Variants in CACNA1E observed in about 807,000 individuals in gnomAD.
The protein encoded by CACNA1E is voltage-dependent R-type calcium channel subunit alpha-1E.
In CACNA1E, 40 loss-of-function variants were observed where a neutral mutation model predicts 259.2. The observed-to-expected ratio is 0.15, with a 90% CI of 0.12 to 0.20. The LOEUF (loss-of-function observed/expected upper bound fraction) is 0.20, where lower values mean the gene tolerates loss of function less well. CACNA1E is among the 10% of genes least tolerant of loss of function. The pLI is 1.00. For missense variants in CACNA1E, 1,874 were observed against 3,040.1 expected, an observed-to-expected ratio of 0.62 and a Z score of 9.02; for synonymous variants, 1,104 against 1,138.5, an observed-to-expected ratio of 0.97 and a Z score of 0.61.
At chr1:181,621,916 G>A (rs1336477311) in intron 6 of CACNA1E, among the ~76,000 whole-genome samples, 1 of 152,180 alleles carries the variant, frequency 6.6e-6, no homozygotes, top group Non-Finnish European at 1.5e-5. Context: ...GCTGTGGCGA[G>A]GGTCATACCT....
At chr1:181,672,341 A>C (rs777141034) in intron 7 of CACNA1E, among the ~76,000 whole-genome samples, 6 of 152,208 alleles carry the variant, frequency 3.9e-5, no homozygotes, top group Non-Finnish European at 5.9e-5. Flanking sequence ...CTGTGACATG[A>C]GTTAACCTGT....
intron 1 of CACNA1E, among the ~76,000 whole-genome samples, chr1:181,499,294 T>A (rs547168822): frequency 6.6e-6 from 1 of 152,322 alleles, no homozygotes; most frequent in African/African-American, 2.4e-5. Flanking sequence ...TGAGTACTCC[T>A]GGGAAGGAGG....
chr1:181,486,872 T>C (rs1214765367), intron 1 of CACNA1E, among the ~76,000 whole-genome samples: 1 of 152,154 alleles, frequency 6.6e-6, no homozygotes. Flanking sequence ...AGGAGCTGCA[T>C]CCACATCACC....
chr1:181,727,113 C>G (rs529925498), intron 18 of CACNA1E, among the ~76,000 whole-genome samples: 1 of 152,280 alleles, frequency 6.6e-6, no homozygotes, highest in South Asian at 2.1e-4. Flanking sequence ...TTACCTGCAT[C>G]TGGAGCTCAG....
At chr1:181,569,982 G>T (rs1045005328) in intron 3 of CACNA1E, among the ~76,000 whole-genome samples, 2 of 152,272 alleles carry the variant, frequency 1.3e-5, no homozygotes, top group Middle Eastern at 3.4e-3. Context: ...AAGGGAGATT[G>T]GTGTGAGCTA....
At chr1:181,490,546 T>TTG (rs1408591324) in intron 1 of CACNA1E, among the ~76,000 whole-genome samples, 1 of 149,490 alleles carries the variant, frequency 6.7e-6, no homozygotes, top group African/African-American at 2.4e-5. Flanking sequence ...CAAGCATGTT[T>TTG]TTTTTTTTTT....
At chr1:181,421,405 C>T (rs926631126) in intron 2 of CACNA1E, among the ~76,000 whole-genome samples, 6 of 152,130 alleles carry the variant, frequency 3.9e-5, no homozygotes, top group Admixed American at 2.0e-4. Flanking sequence ...TTATTCTGGG[C>T]CTCTTCTCTG....
At chr1:181,725,852 G>A (rs963406073) in intron 17 of CACNA1E, among the ~76,000 whole-genome samples, 2 of 152,184 alleles carry the variant, frequency 1.3e-5, no homozygotes, top group African/African-American at 2.4e-5. Context: ...TGCTGGCCAC[G>A]CTATAGCTGT....
intron 36 of CACNA1E, chr1:181,771,735 G>C: frequency 2.2e-6 from 1 of 460,282 alleles, no homozygotes; most frequent in East Asian, 3.5e-5. Context: ...TTGGGAGGGG[G>C]GAATGTCAGG....
At chr1:181,467,984 T>C (rs559298321) in intron 2 of CACNA1E, among the ~76,000 whole-genome samples, 3 of 152,310 alleles carry the variant, frequency 2.0e-5, no homozygotes, top group Admixed American at 1.3e-4. Flanking sequence ...CAAAGAATTA[T>C]GTGACTCAGA....
chr1:181,589,436 A>G (rs1009683279), intron 6 of CACNA1E, among the ~76,000 whole-genome samples: 1 of 152,216 alleles, frequency 6.6e-6, no homozygotes, highest in Admixed American at 6.5e-5. Flanking sequence ...AGAAGGGGCA[A>G]TAAGTCAGGT....
intron 6 of CACNA1E, among the ~76,000 whole-genome samples, chr1:181,645,748 G>A (rs1658208925): frequency 6.6e-6 from 1 of 152,186 alleles, no homozygotes; most frequent in African/African-American, 2.4e-5. Flanking sequence ...TAGATCACAA[G>A]TTTCAAAGAG....
At chr1:181,763,581 C>G (rs1394406489) in intron 34 of CACNA1E, 50 bp downstream of exon 34, 2 of 1,440,476 alleles carry the variant, frequency 1.4e-6, no homozygotes, top group East Asian at 2.4e-5. Flanking sequence ...TCAGACAGTA[C>G]AGCCAGGCAA....
At chr1:181,398,701 C>CACCCA (rs1656872721) in intron 1 of CACNA1E, among the ~76,000 whole-genome samples, 1 of 152,218 alleles carries the variant, frequency 6.6e-6, no homozygotes, top group Admixed American at 6.5e-5. Context: ...CTGTCACCCC[C>CACCCA]ACCCAACCTG....
At chr1:181,543,777 A>G (rs959404765) in intron 3 of CACNA1E, among the ~76,000 whole-genome samples, 24 of 152,206 alleles carry the variant, frequency 1.6e-4, no homozygotes, top group African/African-American at 5.8e-4. Flanking sequence ...GCAAATAAAA[A>G]CCACGATAAG....
rs67785829 is a variant in CACNA1E at position 181,616,345 on chromosome 1, G to GTT, written c.952-34986_952-34985dup. Among the ~76,000 whole-genome samples, 123 of 151,508 alleles carry GTT rather than the reference G, an allele frequency of 8.1e-4. 1 individual carries two copies. The highest frequency in any genetic ancestry group is 9.6e-4 in the Non-Finnish European group (65 of 67,860). ...TTTGTTTGTTTGTTTGTTTTGTTTT[G>GTT]TTTTTTTTGTTTTTTATTGTGGTTT... On this transcript the variant is annotated intron_variant, in intron 6 of 47. Coordinates refer to ENST00000367573, the MANE Select transcript of CACNA1E (RefSeq NM_001205293.3).
intron 26 of CACNA1E, 23 bp downstream of exon 26, chr1:181,750,510 G>A (rs1306099574): frequency 6.2e-7 from 1 of 1,608,804 alleles, no homozygotes; most frequent in Non-Finnish European, 8.5e-7. Context: ...GATTATCTTT[G>A]AAGTAAACGA....
intron 6 of CACNA1E, among the ~76,000 whole-genome samples, chr1:181,622,353 G>T (rs1655801223): frequency 6.6e-6 from 1 of 152,294 alleles, no homozygotes; most frequent in South Asian, 2.1e-4. Context: ...TGTTAGAGTA[G>T]TTGGTGGGTA....
intron 3 of CACNA1E, among the ~76,000 whole-genome samples, chr1:181,520,927 C>T (rs1666953534): frequency 6.6e-6 from 1 of 152,372 alleles, no homozygotes; most frequent in East Asian, 1.9e-4. Context: ...CCGCCCACAT[C>T]TGGATGTGAC....
Sources: gnomAD v4.1 joint callset for allele counts (sites outside exome capture counted in the v4.1 genomes callset) on GRCh38, gnomAD v4.1.1 for gene constraint, MANE v1.5 for transcripts, NCBI Gene and HGNC (gene_info 2026-07-23, HGNC 2026-07-21) for gene names.